Variants in TH observed in about 807,000 individuals in gnomAD.
TH encodes the protein tyrosine hydroxylase.
A neutral mutation model predicts 57.4 loss-of-function variants in TH; 49 were observed. That is an observed-to-expected ratio of 0.85 (90% confidence interval 0.68 to 1.08). TH has a LOEUF of 1.08. TH is among the 50% of genes least tolerant of loss of function. The probability of loss-of-function intolerance (pLI) is 0.00; values close to 1 mark genes in which losing one functional copy is unlikely to be tolerated. For missense variants in TH, 720 were observed against 696.7 expected, an observed-to-expected ratio of 1.03 and a Z score of -0.38; for synonymous variants, 330 against 304.5, an observed-to-expected ratio of 1.08 and a Z score of -0.87.
chr11:2,166,810 T>C (rs1846105439), intron 7 of TH, 42 bp from the exon 8 acceptor site: 1 of 1,551,202 alleles, frequency 6.4e-7, no homozygotes, highest in Non-Finnish European at 8.7e-7. Flanking sequence ...CGGGACGGGC[T>C]GGAGCCGCGC....
Position 2,168,563 on chromosome 11 carries a change from C to T in TH, c.415G>A (p.Gly139Arg), listed in dbSNP as rs781072328. The T allele has an allele frequency of 1.9e-6, 3 of 1,611,734 alleles. No homozygotes were observed. Among genetic ancestry groups the T allele is most frequent in the East Asian group, 2.2e-5 (1 of 44,852 alleles). ...CCACTGAGCAGGGCGGCCAGGTCCCCTCGGCGCACCTCGAGGCGCACGAAG... is the reference window on the plus strand; with the variant it reads ...CCACTGAGCAGGGCGGCCAGGTCCCTTCGGCGCACCTCGAGGCGCACGAAG... Reference protein sequence around the residue: ...EYFVRLEVRRGDLAALLSGVR... With the variant: ...EYFVRLEVRRRDLAALLSGVR... Residue 139 changes from glycine to arginine, a missense_variant, in exon 3 of 13, where the codon GGG becomes AGG. Gly to Arg is a moderately radical substitution (Grantham distance 125). Transcript: ENST00000352909.
Position 2,166,519 on chromosome 11 carries a change from C to A in TH, c.1008G>T (p.Val336=), listed in dbSNP as rs1450148544. 6.2e-7 allele frequency: 1 copy of A among 1,601,338 alleles called. No homozygotes were observed. The highest frequency in any genetic ancestry group is 1.1e-5 in the South Asian group (1 of 89,754). The change falls in exon 9 of 13, where the codon GTG becomes GTT. Residue 336 remains valine, a synonymous_variant. Coordinates refer to ENST00000352909, the MANE Select transcript of TH (RefSeq NM_000360.4). ...CGAAGGTGCGGTCGGCCAGCATGGGCACGTGCCCCAGCAGCTCGTGGCAGC... is the reference window on the plus strand; with the variant it reads ...CGAAGGTGCGGTCGGCCAGCATGGGAACGTGCCCCAGCAGCTCGTGGCAGC... The part of the protein sequence containing the change: ...PDCCHELLGH[V]PMLADRTFAQ...
In TH at chr11:2,165,812, G is replaced by A. The variant is rs147664815; in HGVS notation, c.1105-49C>T. 9,675 of 1,583,800 alleles carry A rather than the reference G, an allele frequency of 6.1e-3. 49 individuals carry two copies. The highest frequency in any genetic ancestry group is 7.7e-3 in the Admixed American group (437 of 56,516). ...AGCCCAGAGACAGCTGCCGCCCACC[G>A]GGCAGCCCCTGGTCACCCGTGACCA... On this transcript the variant is annotated intron_variant, in intron 10 of 12. Coordinates refer to ENST00000352909, the MANE Select transcript of TH (RefSeq NM_000360.4).
rs776398672 is a variant in TH, at chr11:2,168,216, C to T, written c.488-37G>A. ...ATGGAGGAAGAGATCTTGGTGAGCT[C>T]GGAGCCGTGGGGCTGTGTCACCCAC... is the stretch of plus-strand genomic sequence containing the variant. On this transcript the variant is annotated intron_variant, in intron 3 of 12. Coordinates refer to ENST00000352909, the MANE Select transcript of TH (RefSeq NM_000360.4). The T allele has an allele frequency of 5.4e-5, 86 of 1,603,656 alleles. 1 individual carries two copies. The South Asian group carries it at 8.3e-4, about 15-fold the overall frequency.
rs1294404090 is a variant in TH at position 2,167,795 on chromosome 11, C to G, written c.644+71G>C. The G allele has an allele frequency of 2.7e-6, 4 of 1,493,522 alleles. No individual in the cohort carries two copies. The Admixed American group carries it at 5.8e-5, about 22-fold the overall frequency. 92.5% of individuals were successfully genotyped at this position (1,493,522 alleles called of 1,614,324 possible). ...AAGATGGGTCCTCCCCTTTGTCCTTCCCTCCCACCCCCCAGGTCCAGCGTC... is the reference window on the plus strand; with the variant it reads ...AAGATGGGTCCTCCCCTTTGTCCTTGCCTCCCACCCCCCAGGTCCAGCGTC... On this transcript the variant is annotated intron_variant, in intron 5 of 12. Coordinates refer to ENST00000352909, the MANE Select transcript of TH (RefSeq NM_000360.4).
At chr11:2,169,439 C>T (rs951554661) in intron 2 of TH, among the ~76,000 whole-genome samples, 23 of 152,104 alleles carry the variant, frequency 1.5e-4, no homozygotes, top group African/African-American at 5.3e-4. Flanking sequence ...AGCCTCAGCC[C>T]TAGGGGTGGG....
intron 5 of TH, 56 bp downstream of exon 5, chr11:2,167,810 G>T: frequency 2.0e-6 from 3 of 1,527,564 alleles, no homozygotes; most frequent in Non-Finnish European, 2.7e-6. Flanking sequence ...CCACCCCCCA[G>T]GTCCAGCGTC....
rs1402296929 is a variant in TH at position 2,165,456 on chromosome 11, T to A, written c.1201-91A>T. The A allele has an allele frequency of 3.2e-6, 5 of 1,573,010 alleles. No homozygotes were observed. The African/African-American group carries it at 6.7e-5, about 21-fold the overall frequency. ...GTGGCCTGACGCTGGGTGGGTTCCT[T>A]GGGTAGAGTCACCCCCATCTCCCCC... On this transcript the variant is annotated intron_variant, in intron 11 of 12. Transcript: ENST00000352909.
chr11:2,165,876 A>C lies in TH; in HGVS notation c.1105-113T>G, dbSNP rs1377024877. The C allele has an allele frequency of 2.0e-6, 3 of 1,482,244 alleles. No individual in the cohort carries two copies. In the East Asian group the frequency reaches 7.4e-5, roughly 37 times the overall value. The allele number at this position is 1,482,244 out of a possible 1,614,324, so 91.8% of individuals were successfully genotyped here. ...AGGGAGGCCAGGCCAGGATGCAGGC[A>C]GGCCAGGGTGAGGGTCACAATTCGT... is the stretch of plus-strand genomic sequence containing the variant. On this transcript the variant is annotated intron_variant, in intron 10 of 12. Transcript: ENST00000352909.
chr11:2,170,913 A>G lies in TH; in HGVS notation c.90+784T>C. On this transcript the variant is annotated intron_variant, in intron 1 of 12. Transcript: ENST00000352909. This position sits in a 1 kb window ranked among gnomAD's most constrained non-coding sequence, Gnocchi z 6.0. ...TCACACCACATTTCAATCAAGGTCC[A>G]TAAATAAAAACCCATTTTAAATGTG... is the stretch of plus-strand genomic sequence containing the variant. The G allele has an allele frequency of 3.3e-6, 2 of 607,108 alleles. No individual in the cohort carries two copies. Among genetic ancestry groups the G allele is most frequent in the Non-Finnish European group, 5.8e-6 (2 of 342,748 alleles). 37.6% of individuals were successfully genotyped at this position (607,108 alleles called of 1,614,324 possible). A position where few individuals can be genotyped will look rare whatever the true frequency, so the allele number is the denominator to read the frequency against.
chr11:2,165,788 G>A (rs1425538990), intron 10 of TH, 25 bp from the exon 11 acceptor site: 3 of 1,606,740 alleles, frequency 1.9e-6, no homozygotes, highest in Non-Finnish European at 2.5e-6. Context: ...GGCAGCATCA[G>A]CCCAGAGACA....
rs1327217662 is a variant in TH, at chr11:2,170,109, T to C, written c.91-238A>G. 5.3e-5 allele frequency among the ~76,000 whole-genome samples: 8 copies of C among 150,142 alleles called. No individual in the cohort carries two copies. The highest frequency in any genetic ancestry group is 2.0e-4 in the African/African-American group (8 of 40,748). The stretch of plus-strand genomic sequence containing the variant: ...AGAAGCAGTGGTGGTGGGGGAGGAG[T>C]GGGGGCTGGGAAGGTGCTCGCCTGC... On this transcript the variant is annotated intron_variant, in intron 1 of 12. Coordinates refer to ENST00000352909, the MANE Select transcript of TH (RefSeq NM_000360.4). The surrounding 1 kb of genome is among the most constrained non-coding windows in gnomAD (Gnocchi z 6.0).
Position 2,166,707 on chromosome 11 carries a change from G to T in TH, c.903C>A (p.Ala301=), listed in dbSNP as rs961681928. The T allele has an allele frequency of 6.4e-7, 1 of 1,553,922 alleles. No homozygotes were observed. Among genetic ancestry groups the T allele is most frequent in the African/African-American group, 1.4e-5 (1 of 73,566 alleles). Residue 301 remains alanine, a synonymous_variant, in exon 8 of 13, where the codon GCC becomes GCA. Coordinates refer to ENST00000352909, the MANE Select transcript of TH (RefSeq NM_000360.4). ...ACTGGAACACGCGGAAGGCCAGGCT[G>T]GCCAGGAAGTCCCGGGCGGACAGCA... ...AGLLSARDFL[A]SLAFRVFQCT...
chr11:2,164,522 C>G (rs1846030204), intron 12 of TH, 130 bp from the exon 13 acceptor site: 1 of 1,097,356 alleles, frequency 9.1e-7, no homozygotes, highest in Non-Finnish European at 1.2e-6. Flanking sequence ...TCTGAGCCAA[C>G]TGGTCACAGG....
chr11:2,169,942 C>A (rs1262023181), intron 1 of TH, 71 bp from the exon 2 acceptor site: 3 of 1,472,568 alleles, frequency 2.0e-6, no homozygotes, highest in Non-Finnish European at 2.8e-6. Flanking sequence ...ACAGCTGGTC[C>A]CACAGTCGGG....
At chr11:2,165,025 CCA>C (rs1846047281) in intron 12 of TH, among the ~76,000 whole-genome samples, 1 of 152,210 alleles carries the variant, frequency 6.6e-6, no homozygotes, top group Admixed American at 6.5e-5. Flanking sequence ...CCAGCAGCCC[CCA>C]GTCCTGTAGG....
intron 6 of TH, 42 bp from the exon 7 acceptor site, chr11:2,167,074 A>G (rs757684069): frequency 5.1e-6 from 8 of 1,553,518 alleles, no homozygotes; most frequent in Non-Finnish European, 7.0e-6. Flanking sequence ...GCCCCACCCC[A>G]GTGCCCGAAA....
rs1008333072 is a variant in TH, at chr11:2,164,179, G to A, written c.*54C>T. On this transcript the variant is annotated 3_prime_UTR_variant, in exon 13 of 13. Transcript: ENST00000352909. ...AGCCCCTCACCAGGGCCTGAGCTCCGGGACAGTGCAGGACCAGGGGAGGTT... is the reference window on the plus strand; with the variant it reads ...AGCCCCTCACCAGGGCCTGAGCTCCAGGACAGTGCAGGACCAGGGGAGGTT... The A allele has an allele frequency of 2.5e-5, 33 of 1,346,476 alleles. No individual in the cohort carries two copies. The highest frequency in any genetic ancestry group is 4.5e-5 in the African/African-American group (3 of 66,010). The allele number at this position is 1,346,476 out of a possible 1,614,324, so 83.4% of individuals were successfully genotyped here. A position where few individuals can be genotyped will look rare whatever the true frequency, so the allele number is the denominator to read the frequency against.
Position 2,166,924 on chromosome 11 carries a change from A to G in TH, c.804T>C (p.Asn268=), listed in dbSNP as rs1312460384. 1 of 1,603,394 alleles carries G rather than the reference A, an allele frequency of 6.2e-7. No individual in the cohort carries two copies. Among genetic ancestry groups the G allele is most frequent in the Admixed American group, 1.7e-5 (1 of 58,776 alleles). The change falls in exon 7 of 13, where the codon AAT becomes AAC. Residue 268 remains asparagine (N), a synonymous_variant. Coordinates refer to ENST00000352909, the MANE Select transcript of TH (RefSeq NM_000360.4). The stretch of plus-strand genomic sequence containing the variant: ...GGGAGACGTCCTCCAGCTGGGGGAT[A>G]TTGTCTTCCCGGTAGCCGCTGAAGC... ...LERFSGYRED[N]IPQLEDVSRF... is the part of the protein sequence containing the mutation.
Sources: gnomAD v4.1 joint callset for allele counts (sites outside exome capture counted in the v4.1 genomes callset) on GRCh38, gnomAD v4.1.1 for gene constraint, Gnocchi (gnomAD v3.1) non-coding constraint, MANE v1.5 for transcripts, NCBI Gene and HGNC (gene_info 2026-07-23, HGNC 2026-07-21) for gene names.